ALPK1: variants seen among roughly 807,000 people sequenced by gnomAD.
ALPK1 encodes the protein alpha-protein kinase 1.
ALPK1 carries 110 observed loss-of-function variants against 120.6 expected under a neutral mutation model. That is an observed-to-expected ratio of 0.91 (90% CI 0.78 to 1.07). ALPK1 has a LOEUF of 1.07. Ranked by LOEUF, ALPK1 falls within the 50% of genes least tolerant of loss-of-function variation. ALPK1 has a pLI of 0.00. For synonymous variants in ALPK1, 582 were observed against 560.3 expected, an observed-to-expected ratio of 1.04 and a Z score of -0.55; for missense variants, 1,498 against 1,483.9, an observed-to-expected ratio of 1.01 and a Z score of -0.16.
At position 112,377,696 on chromosome 4, in the gene ALPK1, G is replaced by T. The variant is rs1226675406; in HGVS notation, c.-82G>T. ...TCACCAGGTACTTCGGCCTTCAAGG[G>T]GCTCCTTTATTGAGAATCAATGTCT... On this transcript the variant is annotated 5_prime_UTR_variant, in exon 3 of 16. Transcript: ENST00000650871. The T allele has an allele frequency of 1.5e-6, 2 of 1,353,980 alleles. No individual in the cohort carries two copies. Among genetic ancestry groups the T allele is most frequent in the Admixed American group, 4.9e-5 (2 of 40,818 alleles). 83.9% of individuals were successfully genotyped at this position (1,353,980 alleles called of 1,614,324 possible). A position where few individuals can be genotyped will look rare whatever the true frequency, so the allele number is the denominator to read the frequency against.
At chr4:112,356,585 G>GC in intron 2 of ALPK1, 1 of 786,712 alleles carries the variant, frequency 1.3e-6, no homozygotes, top group Non-Finnish European at 2.3e-6. Flanking sequence ...AGGTGAAGAA[G>GC]CAGGAGAGTA....
At position 112,431,136 on chromosome 4, in the gene ALPK1, A is replaced by G. The variant is rs1734526987; in HGVS notation, c.1589A>G (p.Glu530Gly). 3 of 1,614,076 alleles carry G rather than the reference A, an allele frequency of 1.9e-6. No individual in the cohort carries two copies. In the African/African-American group the frequency reaches 4.0e-5, roughly 22 times the overall value. The change falls in exon 11 of 16, where the codon GAA becomes GGA. Residue 530 changes from glutamate (E) to glycine (G), a missense_variant. Physicochemically the swap from Glu to Gly is moderately conservative, Grantham distance 98 (BLOSUM62 -2). Transcript: ENST00000650871. ...SSLMGKNVQRELRRGGRRNWT... is the reference protein window; with the variant it reads ...SSLMGKNVQRGLRRGGRRNWT... The stretch of plus-strand genomic sequence containing the variant: ...CTAATGGGTAAGAATGTTCAGAGGG[A>G]ACTCAGAAGGGGAGGAAGGAGAAAC...
chr4:112,332,140 A>C (rs991555634), intron 2 of ALPK1, among the ~76,000 whole-genome samples: 1 of 152,232 alleles, frequency 6.6e-6, no homozygotes, highest in Non-Finnish European at 1.5e-5. Context: ...GCTAAGTGGC[A>C]AGAGAGGTTT....
chr4:112,321,615 C>A (rs1450888356), intron 2 of ALPK1, among the ~76,000 whole-genome samples: 1 of 152,156 alleles, frequency 6.6e-6, no homozygotes, highest in Non-Finnish European at 1.5e-5. Context: ...AACAATCATT[C>A]AGGAGCAGGT....
rs1219108363 is a variant in ALPK1 at position 112,357,248 on chromosome 4, C to T, written c.-100-20430C>T. The T allele has an allele frequency of 9.1e-6, 13 of 1,427,554 alleles. No individual in the cohort carries two copies. The African/African-American group carries it at 1.7e-4, about 19-fold the overall frequency. The allele number at this position is 1,427,554 out of a possible 1,614,324, so 88.4% of individuals were successfully genotyped here. ...CCTGGACTCACTGGACCAGATCATC[C>T]AGCATCTGGCAGGACGTGCTGGGGT... is the stretch of plus-strand genomic sequence containing the variant. On this transcript the variant is annotated intron_variant, in intron 2 of 15. Coordinates refer to ENST00000650871, the MANE Select transcript of ALPK1 (RefSeq NM_025144.4).
intron 2 of ALPK1, among the ~76,000 whole-genome samples, chr4:112,337,753 T>C (rs941959504): frequency 1.3e-5 from 2 of 152,054 alleles, no homozygotes; most frequent in Non-Finnish European, 2.9e-5. Context: ...AGTGGCTCAA[T>C]AAAAAAATTT....
At chr4:112,396,270 CT>C (rs1252067062) in intron 4 of ALPK1, among the ~76,000 whole-genome samples, 1 of 152,172 alleles carries the variant, frequency 6.6e-6, no homozygotes, top group Admixed American at 6.5e-5. Context: ...AGAAAAATGT[CT>C]AAGCTCCATA....
intron 2 of ALPK1, among the ~76,000 whole-genome samples, chr4:112,335,688 A>G (rs980952545): frequency 6.6e-6 from 1 of 152,244 alleles, no homozygotes; most frequent in Non-Finnish European, 1.5e-5. Flanking sequence ...TTTCAATGAC[A>G]GTATAATCTC....
At chr4:112,406,110 A>G (rs563263973) in intron 4 of ALPK1, among the ~76,000 whole-genome samples, 57 of 152,310 alleles carry the variant, frequency 3.7e-4, no homozygotes, top group African/African-American at 1.2e-3. Context: ...CATGTGATCA[A>G]ATAATCCCAT....
intron 4 of ALPK1, among the ~76,000 whole-genome samples, chr4:112,389,047 CTT>C (rs36062437): frequency 4.3e-5 from 6 of 137,970 alleles, no homozygotes; most frequent in Admixed American, 7.2e-5. Flanking sequence ...GCCATGCTGG[CTT>C]TTTTTTTTTT....
chr4:112,399,671 G>T (rs915481823), intron 4 of ALPK1, among the ~76,000 whole-genome samples: 2 of 152,122 alleles, frequency 1.3e-5, no homozygotes, highest in Admixed American at 6.6e-5. Flanking sequence ...ATGGTGGTTT[G>T]CTGCACCTAT....
intron 3 of ALPK1, 24 bp downstream of exon 3, chr4:112,377,922 AG>A: frequency 6.3e-7 from 1 of 1,587,856 alleles, no homozygotes; most frequent in Non-Finnish European, 8.6e-7. Flanking sequence ...GGGAGGCACC[AG>A]GGGTGAACCA....
At chr4:112,360,028 C>T (rs1171104429) in intron 2 of ALPK1, among the ~76,000 whole-genome samples, 1 of 152,096 alleles carries the variant, frequency 6.6e-6, no homozygotes, top group Non-Finnish European at 1.5e-5. Context: ...GTTCATTGCT[C>T]CTCTCTAACT....
At chr4:112,390,396 A>G (rs1732354657) in intron 4 of ALPK1, among the ~76,000 whole-genome samples, 1 of 152,200 alleles carries the variant, frequency 6.6e-6, no homozygotes, top group Non-Finnish European at 1.5e-5. Flanking sequence ...AGGCTTGGCT[A>G]TAAGGTATCA....
intron 2 of ALPK1, among the ~76,000 whole-genome samples, chr4:112,326,514 A>C (rs1331085062): frequency 6.6e-6 from 1 of 152,180 alleles, no homozygotes; most frequent in Non-Finnish European, 1.5e-5. Flanking sequence ...GGAATGAATA[A>C]ATCATACTGT....
chr4:112,369,023 C>G (rs2351455), intron 2 of ALPK1, among the ~76,000 whole-genome samples: 1 of 151,492 alleles, frequency 6.6e-6, no homozygotes, highest in African/African-American at 2.4e-5. Flanking sequence ...AGGTTTCAGC[C>G]TTTACTTCTT....
intron 1 of ALPK1, among the ~76,000 whole-genome samples, chr4:112,314,046 G>A (rs1271602380): frequency 6.6e-6 from 1 of 152,222 alleles, no homozygotes; most frequent in African/African-American, 2.4e-5. Context: ...ATTGAGAGAG[G>A]AAGAGGAGAG....
intron 2 of ALPK1, among the ~76,000 whole-genome samples, chr4:112,330,658 A>T (rs1282929598): frequency 1.3e-5 from 2 of 152,214 alleles, no homozygotes; most frequent in African/African-American, 2.4e-5. Context: ...TTGTTGATTC[A>T]GAGCATATAC....
chr4:112,372,541 G>T (rs1211063445), intron 2 of ALPK1, among the ~76,000 whole-genome samples: 8 of 152,070 alleles, frequency 5.3e-5, no homozygotes, highest in Non-Finnish European at 1.5e-5. Context: ...TTAATTGACA[G>T]ATTAAATTAT....
Sources: allele counts gnomAD v4.1 joint callset (sites outside exome capture counted in the v4.1 genomes callset), GRCh38; gene constraint gnomAD v4.1.1; transcripts MANE v1.5; gene names NCBI Gene and HGNC (gene_info 2026-07-23, HGNC 2026-07-21).